The following PRICKLE2 variants were observed in gnomAD, a reference collection of about 807,000 sequenced individuals.
PRICKLE2 encodes prickle-like protein 2.
In PRICKLE2, 21 loss-of-function variants were observed where a neutral mutation model predicts 81.4. The observed-to-expected ratio is 0.26, with a 90% CI of 0.18 to 0.37. The LOEUF is 0.37. Ranked by LOEUF, PRICKLE2 falls within the 10% of genes least tolerant of loss-of-function variation. PRICKLE2 has a pLI of 1.00. For synonymous variants in PRICKLE2, 456 were observed against 421.5 expected (o/e 1.08, Z -1.00); for missense variants, 940 against 1,109.0 (o/e 0.85, Z 2.16).
intron 2 of PRICKLE2, among the ~76,000 whole-genome samples, chr3:64,198,410 A>G (rs1052840271): frequency 3.9e-5 from 6 of 152,154 alleles, no homozygotes; most frequent in Admixed American, 2.0e-4. Flanking sequence ...AGGAAACATC[A>G]TGAAAATACC....
chr3:64,139,617 T>C (rs1226104893), intron 7 of PRICKLE2, among the ~76,000 whole-genome samples: 1 of 152,232 alleles, frequency 6.6e-6, no homozygotes, highest in African/African-American at 2.4e-5. Flanking sequence ...TTGGATCATG[T>C]CACCTCCCTC....
rs1244686658 is a variant in PRICKLE2 at position 64,095,175 on chromosome 3, T to A, written c.*3876A>T. The A allele has an allele frequency of 6.6e-6, 1 of 152,134 alleles. No homozygotes were observed. Among genetic ancestry groups the A allele is most frequent in the Non-Finnish European group, 1.5e-5 (1 of 68,022 alleles). The allele number at this position is 152,134 out of a possible 1,614,324, so 9.4% of individuals were successfully genotyped here. A position where few individuals can be genotyped will look rare whatever the true frequency, so the allele number is the denominator to read the frequency against. ...TGCCTATAGTAATTGGCAGAGAACA[T>A]GAAAATGGCCAAGGAGGTAAAGAGA... On this transcript the variant is annotated 3_prime_UTR_variant, in exon 8 of 8. Coordinates refer to ENST00000638394, the MANE Select transcript of PRICKLE2 (RefSeq NM_198859.4).
At chr3:64,183,622 G>A (rs1199145353) in intron 2 of PRICKLE2, among the ~76,000 whole-genome samples, 1 of 152,088 alleles carries the variant, frequency 6.6e-6, no homozygotes, top group Non-Finnish European at 1.5e-5. Context: ...AAGCTATAGA[G>A]TATATCACAG....
chr3:64,249,327 G>C (rs2079408295), intron 2 of PRICKLE2, among the ~76,000 whole-genome samples: 2 of 152,100 alleles, frequency 1.3e-5, no homozygotes, highest in African/African-American at 2.4e-5. Context: ...AGAGCAAGGG[G>C]GAAATCTGCC....
chr3:64,211,868 T>C (rs564310525), intron 1 of PRICKLE2, among the ~76,000 whole-genome samples: 126 of 152,002 alleles, frequency 8.3e-4, no homozygotes, highest in African/African-American at 2.8e-3. Flanking sequence ...AAAAAGATAA[T>C]GAAAAAGTAG....
At chr3:64,103,069 A>G (rs2076695059) in intron 7 of PRICKLE2, 1 of 152,212 alleles carries the variant, frequency 6.6e-6, no homozygotes, top group Admixed American at 6.5e-5. Flanking sequence ...TGTTTGTTCT[A>G]TTTTTATAAC....
chr3:64,237,498 T>C (rs1338850164), intron 2 of PRICKLE2, among the ~76,000 whole-genome samples: 2 of 152,062 alleles, frequency 1.3e-5, no homozygotes. Context: ...AAGTTGCTTC[T>C]CTTGGACATT....
intron 7 of PRICKLE2, among the ~76,000 whole-genome samples, chr3:64,139,732 C>T (rs533607380): frequency 6.6e-6 from 1 of 152,284 alleles, no homozygotes; most frequent in East Asian, 1.9e-4. Flanking sequence ...CCTTGCTTTC[C>T]TTCCAAGTCT....
chr3:64,239,952 C>CAAAA (rs57932723), intron 2 of PRICKLE2, among the ~76,000 whole-genome samples: 593 of 32,236 alleles, frequency 0.018, 35 homozygotes, highest in African/African-American at 0.044. Flanking sequence ...CCATCGCTAC[C>CAAAA]AAAAAAAAAA....
At chr3:64,119,267 T>TAC (rs1401280801) in intron 7 of PRICKLE2, among the ~76,000 whole-genome samples, 1 of 152,036 alleles carries the variant, frequency 6.6e-6, no homozygotes, top group Admixed American at 6.6e-5. Flanking sequence ...AACTAACGGG[T>TAC]ACTAGGCTTA....
chr3:64,212,192 G>A (rs1044744097), intron 1 of PRICKLE2, among the ~76,000 whole-genome samples: 3 of 152,156 alleles, frequency 2.0e-5, no homozygotes, highest in Admixed American at 6.5e-5. Flanking sequence ...GAAAAGCTCC[G>A]ATTTCCTCAG....
chr3:64,185,806 T>A (rs2078219310), intron 2 of PRICKLE2, among the ~76,000 whole-genome samples: 1 of 152,196 alleles, frequency 6.6e-6, no homozygotes. Context: ...ATATAATAAA[T>A]CACATGCAAG....
chr3:64,116,055 T>C (rs967953955), intron 7 of PRICKLE2, among the ~76,000 whole-genome samples: 1 of 152,100 alleles, frequency 6.6e-6, no homozygotes. Flanking sequence ...CTCAAAACCA[T>C]ACAATTACAT....
At chr3:64,189,098 T>C (rs2078287263) in intron 2 of PRICKLE2, among the ~76,000 whole-genome samples, 1 of 152,166 alleles carries the variant, frequency 6.6e-6, no homozygotes, top group South Asian at 2.1e-4. Context: ...TCAAAAAATA[T>C]TTGCTGAATG....
At position 64,225,056 on chromosome 3, in the gene PRICKLE2, AC is replaced by A; in HGVS notation, c.-188del. ...GGCAGCCAAAGCATCTTCTCCTCAA[AC>A]CCCCTTTTCAGTCTGAACCCTTCCT... On this transcript the variant is annotated 5_prime_UTR_variant, in exon 1 of 8. Coordinates refer to ENST00000638394, the MANE Select transcript of PRICKLE2 (RefSeq NM_198859.4). The A allele has an allele frequency of 1.0e-6, 1 of 983,614 alleles. No homozygotes were observed. 60.9% of individuals were successfully genotyped at this position (983,614 alleles called of 1,614,324 possible). A position where few individuals can be genotyped will look rare whatever the true frequency, so the allele number is the denominator to read the frequency against.
intron 1 of PRICKLE2, among the ~76,000 whole-genome samples, chr3:64,206,234 G>T (rs779457163): frequency 2.6e-5 from 4 of 152,120 alleles, no homozygotes; most frequent in Non-Finnish European, 5.9e-5. Flanking sequence ...TCACCAGTGT[G>T]CCTGGTGATT....
At chr3:64,240,014 T>C (rs1276091794) in intron 2 of PRICKLE2, among the ~76,000 whole-genome samples, 1 of 149,798 alleles carries the variant, frequency 6.7e-6, no homozygotes, top group African/African-American at 2.5e-5. Context: ...TCTCACCTAC[T>C]TGGGAGGCTG....
At chr3:64,199,003 A>G in intron 1 of PRICKLE2, 36 bp from the exon 2 acceptor site, 1 of 1,605,898 alleles carries the variant, frequency 6.2e-7, no homozygotes, top group South Asian at 1.1e-5. Context: ...AGAAAGAGGA[A>G]AAAACCTTTT....
At chr3:64,264,700 T>C (rs1168983723) in intron 2 of PRICKLE2, among the ~76,000 whole-genome samples, 1 of 152,250 alleles carries the variant, frequency 6.6e-6, no homozygotes, top group Non-Finnish European at 1.5e-5. Flanking sequence ...TACAGCAGCC[T>C]GGGTGAATGC....
Sources: gnomAD v4.1 joint callset for allele counts (sites outside exome capture counted in the v4.1 genomes callset) on GRCh38, gnomAD v4.1.1 for gene constraint, MANE v1.5 for transcripts, NCBI Gene and HGNC (gene_info 2026-07-23, HGNC 2026-07-21) for gene names.